Variants in ATP13A4 observed in about 807,000 individuals in gnomAD.
ATP13A4 encodes ATPase 13A4.
ATP13A4 carries 114 observed loss-of-function variants against 142.5 expected under a neutral mutation model. The observed-to-expected ratio is 0.80, with a 90% CI of 0.69 to 0.93. The LOEUF is 0.93. Among genes scored for constraint, ATP13A4 ranks in the 40% least tolerant of loss-of-function variants. ATP13A4 has a pLI of 0.00. For synonymous variants in ATP13A4, 488 were observed against 514.8 expected, an observed-to-expected ratio of 0.95 and a Z score of 0.70; for missense variants, 1,392 against 1,454.0, an observed-to-expected ratio of 0.96 and a Z score of 0.69.
intron 25 of ATP13A4, among the ~76,000 whole-genome samples, chr3:193,425,404 T>C (rs1485590468): frequency 2.6e-5 from 4 of 151,738 alleles, no homozygotes; most frequent in African/African-American, 4.8e-5. Context: ...AAGAAATATC[T>C]GCACTCCCGT....
chr3:193,489,003 G>A (rs186535834), intron 7 of ATP13A4, among the ~76,000 whole-genome samples: 17 of 152,216 alleles, frequency 1.1e-4, no homozygotes, highest in East Asian at 9.7e-4. Context: ...TTTGGCACTC[G>A]GAAAGTGGGG....
chr3:193,464,800 G>A (rs1576990997), intron 12 of ATP13A4, 140 bp downstream of exon 12: 2 of 910,158 alleles, frequency 2.2e-6, no homozygotes, highest in Non-Finnish European at 3.5e-6. Context: ...ATCTTTCCCA[G>A]ATCATGCATC....
intron 1 of ATP13A4, among the ~76,000 whole-genome samples, chr3:193,524,764 T>A (rs907119047): frequency 6.6e-6 from 1 of 152,164 alleles, no homozygotes; most frequent in African/African-American, 2.4e-5. Context: ...GGGATAATAG[T>A]TGTAAAAGAG....
intron 1 of ATP13A4, among the ~76,000 whole-genome samples, chr3:193,584,081 T>C (rs1724623390): frequency 6.6e-6 from 1 of 152,184 alleles, no homozygotes; most frequent in Non-Finnish European, 1.5e-5. Context: ...GTACACAGAA[T>C]AACGCTTCCC....
At chr3:193,464,714 G>T (rs551048607) in intron 12 of ATP13A4, among the ~76,000 whole-genome samples, 17 of 152,202 alleles carry the variant, frequency 1.1e-4, no homozygotes, top group African/African-American at 3.9e-4. Context: ...ATCAAAGCTG[G>T]AAGGACCCAA....
At chr3:193,408,237 A>C (rs1050904860) in intron 28 of ATP13A4, among the ~76,000 whole-genome samples, 1 of 152,188 alleles carries the variant, frequency 6.6e-6, no homozygotes, top group Non-Finnish European at 1.5e-5. Context: ...ATTCAAATCC[A>C]CTTCTAGGAA....
At chr3:193,461,364 T>C (rs1206708154) in intron 13 of ATP13A4, among the ~76,000 whole-genome samples, 1 of 152,166 alleles carries the variant, frequency 6.6e-6, no homozygotes, top group Admixed American at 6.5e-5. Flanking sequence ...ACAAGACTGC[T>C]CTCAAGATGC....
At chr3:193,416,332 T>C (rs894489914) in intron 25 of ATP13A4, among the ~76,000 whole-genome samples, 1 of 152,128 alleles carries the variant, frequency 6.6e-6, no homozygotes, top group African/African-American at 2.4e-5. Flanking sequence ...ATGGACAGAA[T>C]TTGTCCCTGA....
Position 193,435,731 on chromosome 3 carries a change from C to A in ATP13A4, c.2686G>T (p.Ala896Ser), listed in dbSNP as rs1716230517. The change falls in exon 24 of 30, where the codon GCT (alanine) becomes TCT (serine). Residue 896 changes from alanine to serine, a missense_variant. Transcript: ENST00000342695. ...AACATGCAAAAGGAGGTAACGAGAG[C>A]TGCACGTCCTTCCCTGTGTAAGAAA... ...VPHLIKEGRA[A>S]LVTSFCMFKY... The A allele has an allele frequency of 6.2e-7, 1 of 1,613,306 alleles. No homozygotes were observed. The highest frequency in any genetic ancestry group is 1.3e-5 in the African/African-American group (1 of 74,882).
chr3:193,439,168 T>C (rs1716476724), intron 21 of ATP13A4, 103 bp from the exon 22 acceptor site: 2 of 1,231,010 alleles, frequency 1.6e-6, no homozygotes, highest in African/African-American at 1.5e-5. Flanking sequence ...TTCAAACTCA[T>C]TATTTAAGGG....
At chr3:193,447,579 G>A (rs987206591) in intron 18 of ATP13A4, among the ~76,000 whole-genome samples, 6 of 152,066 alleles carry the variant, frequency 3.9e-5, no homozygotes, top group African/African-American at 4.8e-5. Flanking sequence ...TATTCACCTC[G>A]TCTCTTTCCC....
rs1297645383 is a variant in ATP13A4 at position 193,476,007 on chromosome 3, C to T, written c.809-5014G>A. 2.2e-4 allele frequency among the ~76,000 whole-genome samples: 34 copies of T among 151,594 alleles called. 1 individual carries two copies. Among genetic ancestry groups the T allele is most frequent in the Admixed American group, 2.2e-3 (34 of 15,240 alleles). On this transcript the variant is annotated intron_variant, in intron 8 of 29. Coordinates refer to ENST00000342695, the MANE Select transcript of ATP13A4 (RefSeq NM_032279.4). ...TATAGAGAAAAGAGAAACACAAGTACAATGAATAAAGTAAAGTAAAAAGCC... is the reference window on the plus strand; with the variant it reads ...TATAGAGAAAAGAGAAACACAAGTATAATGAATAAAGTAAAGTAAAAAGCC...
intron 2 of ATP13A4, among the ~76,000 whole-genome samples, chr3:193,563,021 T>C (rs1724052180): frequency 6.6e-6 from 1 of 152,330 alleles, no homozygotes. Flanking sequence ...TACTCCATGA[T>C]ACGGTATTGT....
chr3:193,483,476 TG>T, intron 8 of ATP13A4, among the ~76,000 whole-genome samples: 1 of 152,328 alleles, frequency 6.6e-6, no homozygotes. Flanking sequence ...TGTTTTGTTT[TG>T]TTTTTGAGAT....
At chr3:193,532,031 C>T (rs185051934) in intron 1 of ATP13A4, among the ~76,000 whole-genome samples, 1 of 152,196 alleles carries the variant, frequency 6.6e-6, no homozygotes, top group East Asian at 1.9e-4. Context: ...GGTGAGACTA[C>T]CAACCATATG....
chr3:193,553,015 A>G (rs1258314522), intron 1 of ATP13A4, among the ~76,000 whole-genome samples: 1 of 152,226 alleles, frequency 6.6e-6, no homozygotes, highest in African/African-American at 2.4e-5. Context: ...ACAGTGTCAG[A>G]CACAGCAACA....
chr3:193,557,786 A>C (rs552007626), upstream of ATP13A4, among the ~76,000 whole-genome samples: 2 of 152,352 alleles, frequency 1.3e-5, no homozygotes, highest in South Asian at 4.1e-4. Flanking sequence ...TTGTGAAGGA[A>C]GCATTTTGAG....
intron 13 of ATP13A4, among the ~76,000 whole-genome samples, chr3:193,461,946 G>C (rs1278907371): frequency 1.3e-5 from 2 of 152,310 alleles, no homozygotes; most frequent in African/African-American, 4.8e-5. Context: ...TTTCAGCCAA[G>C]TGCAGTGGCT....
chr3:193,557,033 C>G (rs976514738), upstream of ATP13A4, among the ~76,000 whole-genome samples: 5 of 152,134 alleles, frequency 3.3e-5, no homozygotes, highest in Admixed American at 2.0e-4. Flanking sequence ...GGCTGGGTTC[C>G]TGAATGCACT....
Sources: allele counts gnomAD v4.1 joint callset (sites outside exome capture counted in the v4.1 genomes callset), GRCh38; gene constraint gnomAD v4.1.1; transcripts MANE v1.5; gene names NCBI Gene and HGNC (gene_info 2026-07-23, HGNC 2026-07-21).